The following UNC13B variants were observed in gnomAD, a reference collection of about 807,000 sequenced individuals.
UNC13B encodes protein unc-13 homolog B.
A neutral mutation model predicts 211.0 loss-of-function variants in UNC13B; 144 were observed. That is an observed-to-expected ratio of 0.68 (90% CI 0.60 to 0.78). The LOEUF (loss-of-function observed/expected upper bound fraction) is 0.78, where lower values mean the gene tolerates loss of function less well. Ranked by LOEUF, UNC13B falls within the 30% of genes least tolerant of loss-of-function variation. The pLI, the probability that UNC13B is intolerant of heterozygous loss-of-function variation, is 0.00. For synonymous variants in UNC13B, 709 were observed against 725.8 expected, an observed-to-expected ratio of 0.98 and a Z score of 0.37; for missense variants, 1,777 against 2,002.0, an observed-to-expected ratio of 0.89 and a Z score of 2.14.
At chr9:35,181,233 A>T (rs2131298750) in intron 1 of UNC13B, among the ~76,000 whole-genome samples, 1 of 152,296 alleles carries the variant, frequency 6.6e-6, no homozygotes. Context: ...CTTATTTCAC[A>T]GATGTAACTA....
chr9:35,377,805 G>A (rs955148964), intron 16 of UNC13B, 110 bp downstream of exon 16: 9 of 1,151,966 alleles, frequency 7.8e-6, no homozygotes, highest in Non-Finnish European at 1.1e-5. Context: ...AAAGAAAAAG[G>A]AAATCACTGG....
intron 7 of UNC13B, among the ~76,000 whole-genome samples, chr9:35,276,507 A>G (rs1828186298): frequency 6.6e-6 from 1 of 152,150 alleles, no homozygotes; most frequent in African/African-American, 2.4e-5. Context: ...TCCATAGAAT[A>G]TGTTAGTTTC....
In UNC13B at chr9:35,383,597, G is replaced by A. The variant is rs528073947; in HGVS notation, c.10807-649G>A. On this transcript the variant is annotated intron_variant, in intron 21 of 39. Transcript: ENST00000635942. ...AATCAATATATGAGTTCTAGGAGTG[G>A]GATGCCAACATCCTGCAGGCATATG... 4.6e-5 allele frequency among the ~76,000 whole-genome samples: 7 copies of A among 152,038 alleles called. No homozygotes were observed. The South Asian group carries it at 1.5e-3, about 32-fold the overall frequency.
chr9:35,174,515 G>A (rs1821510026), intron 1 of UNC13B, among the ~76,000 whole-genome samples: 1 of 151,332 alleles, frequency 6.6e-6, no homozygotes, highest in African/African-American at 2.4e-5. Context: ...TAGTAGAGAT[G>A]GGGTTTTGCC....
intron 26 of UNC13B, among the ~76,000 whole-genome samples, chr9:35,391,600 C>T (rs919654562): frequency 2.6e-5 from 4 of 152,214 alleles, no homozygotes; most frequent in Non-Finnish European, 5.9e-5. Flanking sequence ...TTCTGTAACA[C>T]AAGCCCAGAG....
chr9:35,367,600 A>G (rs1833854812), intron 12 of UNC13B, among the ~76,000 whole-genome samples: 1 of 151,732 alleles, frequency 6.6e-6, no homozygotes, highest in Non-Finnish European at 1.5e-5. Context: ...GATCTTATTC[A>G]TTCTATCCAT....
At chr9:35,246,684 G>A (rs1826121364) in intron 6 of UNC13B, among the ~76,000 whole-genome samples, 2 of 152,086 alleles carry the variant, frequency 1.3e-5, no homozygotes, top group Non-Finnish European at 2.9e-5. Context: ...TACTTCTGAG[G>A]GCTCTGTTTT....
chr9:35,289,590 C>T (rs977643745), intron 7 of UNC13B, among the ~76,000 whole-genome samples: 2 of 152,152 alleles, frequency 1.3e-5, no homozygotes, highest in Non-Finnish European at 2.9e-5. Context: ...TTGTTATTCT[C>T]ATATTACAGA....
intron 1 of UNC13B, among the ~76,000 whole-genome samples, chr9:35,181,977 C>T (rs2131301240): frequency 6.6e-6 from 1 of 152,304 alleles, no homozygotes; most frequent in East Asian, 1.9e-4. Flanking sequence ...GCTGGACCTG[C>T]ATCAGTTAAA....
At chr9:35,326,003 C>T (rs948024665) in intron 11 of UNC13B, among the ~76,000 whole-genome samples, 6 of 152,132 alleles carry the variant, frequency 3.9e-5, no homozygotes, top group South Asian at 2.1e-4. Flanking sequence ...GGAATGGAAC[C>T]GCTAGGTCAT....
chr9:35,389,954 T>A lies in UNC13B; in HGVS notation c.11203T>A (p.Tyr3735Asn). ...AATCATAGAGGAAGATAAGAATTCCTACACACCTGTTCTGAACCAGTGAGT... is the reference window on the plus strand; with the variant it reads ...AATCATAGAGGAAGATAAGAATTCCAACACACCTGTTCTGAACCAGTGAGT... ...VSIIEEDKNS[Y>N]TPVLNQFPQE... The change falls in exon 25 of 40, where the codon TAC becomes AAC. Residue 3735 changes from tyrosine to asparagine, a missense_variant. Physicochemically the swap from Tyr to Asn is moderately radical, Grantham distance 143. Transcript: ENST00000635942. 1.2e-6 allele frequency: 2 copies of A among 1,614,100 alleles called. No homozygotes were observed. The highest frequency in any genetic ancestry group is 2.7e-5 in the African/African-American group (2 of 75,040).
chr9:35,382,955 G>C (rs114792508), intron 21 of UNC13B, among the ~76,000 whole-genome samples: 92 of 152,258 alleles, frequency 6.0e-4, no homozygotes, highest in African/African-American at 2.1e-3. Flanking sequence ...CTTGTTTCCT[G>C]TTTCCTTATG....
intron 1 of UNC13B, among the ~76,000 whole-genome samples, chr9:35,203,667 T>C (rs1375964809): frequency 6.6e-6 from 1 of 152,152 alleles, no homozygotes; most frequent in African/African-American, 2.4e-5. Context: ...TGGAAGAAAT[T>C]TCCAACCAGC....
In UNC13B at chr9:35,247,384, C is replaced by T. The variant is rs544662550; in HGVS notation, c.468+4020C>T. On this transcript the variant is annotated intron_variant, in intron 6 of 39. Coordinates refer to ENST00000635942, the MANE Select transcript of UNC13B (RefSeq NM_001371189.2). Reference sequence around the variant, plus strand: ...TGATTGCCCTGGCCAGAACTTCCAACGCTATGTTGAATAGGAGTGGTGAGA... The same window carrying T: ...TGATTGCCCTGGCCAGAACTTCCAATGCTATGTTGAATAGGAGTGGTGAGA... Among the ~76,000 whole-genome samples, 61 of 152,246 alleles carry T rather than the reference C, an allele frequency of 4.0e-4. 1 individual carries two copies. Among genetic ancestry groups the T allele is most frequent in the African/African-American group, 1.3e-3 (54 of 41,530 alleles).
intron 10 of UNC13B, among the ~76,000 whole-genome samples, chr9:35,313,257 C>T (rs190842792): frequency 1.3e-5 from 2 of 152,224 alleles, no homozygotes; most frequent in Admixed American, 6.5e-5. Context: ...AAGGAATTGT[C>T]ATTTTAGAGA....
intron 1 of UNC13B, among the ~76,000 whole-genome samples, chr9:35,224,304 G>A (rs113467255): frequency 4.6e-5 from 7 of 152,150 alleles, no homozygotes; most frequent in African/African-American, 1.7e-4. Context: ...ATTTGTTTGT[G>A]TTCTCTTCAA....
In UNC13B at chr9:35,386,149, T is replaced by G. The variant is rs758856748; in HGVS notation, c.10966-16T>G. ...GAGCAGGTCCTTGGGCCCATATTTC[T>G]TCTTTTAATTGGCAGGTACAAGAAC... On this transcript the variant is annotated splice_polypyrimidine_tract_variant and intron_variant, in intron 23 of 39. Coordinates refer to ENST00000635942, the MANE Select transcript of UNC13B (RefSeq NM_001371189.2). 23 of 1,614,060 alleles carry G rather than the reference T, an allele frequency of 1.4e-5. No individual in the cohort carries two copies. The South Asian group carries it at 2.5e-4, about 18-fold the overall frequency.
chr9:35,377,450 G>T lies in UNC13B; in HGVS notation c.9836-18G>T, dbSNP rs781700590. 2 of 1,613,518 alleles carry T rather than the reference G, an allele frequency of 1.2e-6. No homozygotes were observed. The highest frequency in any genetic ancestry group is 1.7e-6 in the Non-Finnish European group (2 of 1,179,584). On this transcript the variant is annotated intron_variant, in intron 15 of 39. Coordinates refer to ENST00000635942, the MANE Select transcript of UNC13B (RefSeq NM_001371189.2). ...CTTGGTCTGGTAGGTGACCTGTTGT[G>T]TTCCTGGCCACCTTCAGGGGCTGCA...
intron 1 of UNC13B, among the ~76,000 whole-genome samples, chr9:35,207,478 T>TTTTATTTATTTA (rs56280520): frequency 0.11 from 15,984 of 142,878 alleles, 992 homozygotes; most frequent in African/African-American, 0.13. Flanking sequence ...AGAAATTAAT[T>TTTTATTTATTTA]TTTATTTATT....
Sources: allele counts gnomAD v4.1 joint callset (sites outside exome capture counted in the v4.1 genomes callset), GRCh38; gene constraint gnomAD v4.1.1; transcripts MANE v1.5; gene names NCBI Gene and HGNC (gene_info 2026-07-23, HGNC 2026-07-21).